The following TF variants were observed in gnomAD, a reference collection of about 807,000 sequenced individuals.
TF encodes the protein serotransferrin.
Under a neutral mutation model 82.4 loss-of-function variants are expected in TF, and 55 were observed. The observed-to-expected ratio is 0.67, with a 90% CI of 0.54 to 0.84. The LOEUF (loss-of-function observed/expected upper bound fraction) is 0.84, where lower values mean the gene tolerates loss of function less well. Ranked by LOEUF, TF falls within the 40% of genes least tolerant of loss-of-function variation. The probability of loss-of-function intolerance (pLI) is 0.00; values close to 1 mark genes in which losing one functional copy is unlikely to be tolerated. For synonymous variants in TF, 332 were observed against 332.6 expected, an observed-to-expected ratio of 1.00 and a Z score of 0.02; for missense variants, 737 against 868.4, an observed-to-expected ratio of 0.85 and a Z score of 1.90.
the TF span, among the ~76,000 whole-genome samples, chr3:133,670,089 G>A: frequency 6.6e-6 from 1 of 152,208 alleles, no homozygotes; most frequent in East Asian, 1.9e-4. Context: ...AGAGACAAAT[G>A]TCAGAGGCCA....
At chr3:133,749,056 G>T (rs2107908127) in intron 2 of TF, among the ~76,000 whole-genome samples, 1 of 152,278 alleles carries the variant, frequency 6.6e-6, no homozygotes, top group South Asian at 2.1e-4. Context: ...AGCTACTTGG[G>T]AGGCTGAGGC....
chr3:133,759,424 A>G lies in TF; in HGVS notation c.1203+95A>G. ...AGGGAGTGTTCCTGGGAATGATGCA[A>G]AAACCTGGCTCCCAGGAACCTTGCC... On this transcript the variant is annotated intron_variant, in intron 9 of 16. Transcript: ENST00000402696. The G allele has an allele frequency of 3.3e-6, 5 of 1,521,584 alleles. No individual in the cohort carries two copies. In the Admixed American group the frequency reaches 5.1e-5, roughly 15 times the overall value. 94.3% of individuals were successfully genotyped at this position (1,521,584 alleles called of 1,614,324 possible).
chr3:133,771,334 T>C (rs1296133257), intron 14 of TF, among the ~76,000 whole-genome samples: 1 of 152,142 alleles, frequency 6.6e-6, no homozygotes, highest in East Asian at 1.9e-4. Context: ...CATGAGGCAA[T>C]ACTGATTAAA....
At chr3:133,734,702 C>T in the TF span, among the ~76,000 whole-genome samples, 27 of 152,072 alleles carry the variant, frequency 1.8e-4, no homozygotes, top group South Asian at 5.4e-3. Context: ...TTCTGTGAAT[C>T]ATTAAGAACA....
At position 133,757,797 on chromosome 3, in the gene TF, A is replaced by T. The variant is rs771272943; in HGVS notation, c.899A>T (p.Glu300Val). The change falls in exon 8 of 17, where the codon GAA becomes GTA. Residue 300 changes from glutamate to valine, a missense_variant. Physicochemically the swap from Glu to Val is moderately radical, Grantham distance 121. Coordinates refer to ENST00000402696, the MANE Select transcript of TF (RefSeq NM_001063.4). ...QEHFGKDKSKEFQLFSSPHGK... is the reference protein window; with the variant it reads ...QEHFGKDKSKVFQLFSSPHGK... Reference sequence around the variant, plus strand: ...CATTTTGGCAAAGACAAATCAAAAGAATTCCAACTATTCAGCTCTCCTCAT... The same window carrying T: ...CATTTTGGCAAAGACAAATCAAAAGTATTCCAACTATTCAGCTCTCCTCAT... 6.2e-7 allele frequency: 1 copy of T among 1,614,232 alleles called. No individual in the cohort carries two copies.
At chr3:133,775,411 A>T (rs775293569) in intron 14 of TF, 22 bp from the exon 15 acceptor site, 1 of 1,613,986 alleles carries the variant, frequency 6.2e-7, no homozygotes, top group East Asian at 2.2e-5. Flanking sequence ...CATCAGCTGA[A>T]CCACCTTCTT....
chr3:133,675,242 C>T, the TF span, among the ~76,000 whole-genome samples: 1 of 55,450 alleles, frequency 1.8e-5, no homozygotes, highest in African/African-American at 7.0e-5. Flanking sequence ...GAGACTCTGT[C>T]AAAAAAAAAA....
intron 1 of TF, 154 bp from the exon 2 acceptor site, chr3:133,748,258 A>G (rs1933559887): frequency 1.0e-6 from 1 of 963,398 alleles, no homozygotes; most frequent in Non-Finnish European, 1.6e-6. Context: ...CAGACTCAGA[A>G]TGCAGTAGAA....
At chr3:133,752,484 AC>A (rs1456630300) in intron 2 of TF, among the ~76,000 whole-genome samples, 5 of 152,232 alleles carry the variant, frequency 3.3e-5, no homozygotes, top group Non-Finnish European at 7.3e-5. Context: ...GACATTTAAA[AC>A]AAAAAAGGAG....
the TF span, among the ~76,000 whole-genome samples, chr3:133,734,545 G>A: frequency 1.3e-5 from 2 of 152,096 alleles, no homozygotes; most frequent in South Asian, 4.1e-4. Flanking sequence ...AGGAACTCAC[G>A]AGTCCATGCA....
At chr3:133,739,528 A>C in the TF span, among the ~76,000 whole-genome samples, 1 of 152,196 alleles carries the variant, frequency 6.6e-6, no homozygotes, top group African/African-American at 2.4e-5. Context: ...GTGAACAGGC[A>C]ACCTACAGAA....
chr3:133,676,538 T>G, the TF span, among the ~76,000 whole-genome samples: 1 of 152,136 alleles, frequency 6.6e-6, no homozygotes, highest in East Asian at 1.9e-4. Flanking sequence ...TTGTAAATAA[T>G]TTCTGGGGTA....
the TF span, among the ~76,000 whole-genome samples, chr3:133,662,668 G>A: frequency 0.014 from 161 of 11,548 alleles, no homozygotes; most frequent in Non-Finnish European, 0.024. Context: ...GAGGGGATAA[G>A]ATGGGCCTGC....
intron 11 of TF, 97 bp from the exon 12 acceptor site, chr3:133,766,181 G>A: frequency 8.6e-7 from 1 of 1,156,472 alleles, no homozygotes; most frequent in South Asian, 1.2e-5. Flanking sequence ...ATGACTGATT[G>A]AGGATATCTT....
chr3:133,747,239 T>C (rs1576353628), intron 1 of TF: 1 of 153,662 alleles, frequency 6.5e-6, no homozygotes, highest in Non-Finnish European at 1.4e-5. Context: ...GGACCCCACG[T>C]TACTTGCCTT....
chr3:133,725,036 C>A, the TF span, among the ~76,000 whole-genome samples: 55 of 152,254 alleles, frequency 3.6e-4, no homozygotes, highest in Middle Eastern at 3.4e-3. Context: ...GGTACCAGTA[C>A]CATGCTGTTT....
At position 133,756,922 on chromosome 3, in the gene TF, C is replaced by T. The variant is rs1435088763; in HGVS notation, c.783C>T (p.His261=). ...CGGTAGATGAATACAAGGACTGCCA[C>T]TTGGCCCAGGTCCCTTCTCATACCG... ...RKPVDEYKDC[H]LAQVPSHTVV... The change falls in exon 7 of 17, where the codon CAC becomes CAT. Residue 261 remains histidine, a synonymous_variant. Transcript: ENST00000402696. 6.2e-7 allele frequency: 1 copy of T among 1,614,236 alleles called. No individual in the cohort carries two copies. Among genetic ancestry groups the T allele is most frequent in the East Asian group, 2.2e-5 (1 of 44,884 alleles).
intron 14 of TF, chr3:133,775,146 T>C: frequency 2.1e-6 from 1 of 483,006 alleles, no homozygotes; most frequent in South Asian, 2.1e-5. Context: ...TTAGTGGAAT[T>C]GAAGATCTTT....
the TF span, among the ~76,000 whole-genome samples, chr3:133,682,717 C>A: frequency 6.6e-6 from 1 of 150,912 alleles, no homozygotes; most frequent in African/African-American, 2.5e-5. Context: ...TGTGAAAAGA[C>A]AAAATCTACG....
Sources: allele counts gnomAD v4.1 joint callset (sites outside exome capture counted in the v4.1 genomes callset), GRCh38; gene constraint gnomAD v4.1.1; transcripts MANE v1.5; gene names NCBI Gene and HGNC (gene_info 2026-07-23, HGNC 2026-07-21).